The following BARX2 variants were observed in gnomAD, a reference collection of about 807,000 sequenced individuals.
BARX2 encodes homeobox protein BarH-like 2.
Under a neutral mutation model 25.5 loss-of-function variants are expected in BARX2, and 11 were observed. That is an observed-to-expected ratio of 0.43 (90% CI 0.27 to 0.71). The LOEUF (loss-of-function observed/expected upper bound fraction) is 0.71. BARX2 is among the 30% of genes least tolerant of loss of function. BARX2 has a pLI of 0.19. For synonymous variants in BARX2, 137 were observed against 149.5 expected, an observed-to-expected ratio of 0.92 and a Z score of 0.61; for missense variants, 360 against 359.9, an observed-to-expected ratio of 1.00 and a Z score of 0.00.
chr11:129,418,411 A>T (rs1861967792), intron 1 of BARX2, among the ~76,000 whole-genome samples: 1 of 152,142 alleles, frequency 6.6e-6, no homozygotes, highest in African/African-American at 2.4e-5. Context: ...TTTCAGCCCA[A>T]GCGGTTCCCC....
intron 1 of BARX2, among the ~76,000 whole-genome samples, chr11:129,386,947 G>T (rs762689985): frequency 7.9e-5 from 12 of 152,204 alleles, no homozygotes; most frequent in Non-Finnish European, 1.6e-4. Context: ...CCCACCCACA[G>T]GATCTGTGGC....
chr11:129,388,685 G>C (rs1402635215), intron 1 of BARX2, among the ~76,000 whole-genome samples: 1 of 152,210 alleles, frequency 6.6e-6, no homozygotes, highest in Non-Finnish European at 1.5e-5. Context: ...TGGCTGAGCT[G>C]GAGTGGATTC....
At chr11:129,379,786 T>G (rs542127305) in intron 1 of BARX2, among the ~76,000 whole-genome samples, 2 of 117,960 alleles carry the variant, frequency 1.7e-5, no homozygotes, top group South Asian at 2.8e-4. Context: ...TACTAATTAC[T>G]TTTATTACAA....
At chr11:129,414,632 C>T (rs1012525757) in intron 1 of BARX2, among the ~76,000 whole-genome samples, 2 of 152,208 alleles carry the variant, frequency 1.3e-5, no homozygotes, top group African/African-American at 4.8e-5. Context: ...CCTCAAATCC[C>T]ATATTAGCAT....
chr11:129,428,081 G>A (rs371806003), intron 1 of BARX2, among the ~76,000 whole-genome samples: 1 of 152,194 alleles, frequency 6.6e-6, no homozygotes, highest in East Asian at 1.9e-4. Context: ...CCATCCCAGA[G>A]GGAAACATTG....
intron 1 of BARX2, among the ~76,000 whole-genome samples, chr11:129,408,447 C>G (rs111299041): frequency 2.0e-5 from 3 of 152,160 alleles, no homozygotes; most frequent in Non-Finnish European, 4.4e-5. Context: ...TTAATCAACC[C>G]GCACAGGGAT....
At chr11:129,399,364 C>G (rs1861753289) in intron 1 of BARX2, among the ~76,000 whole-genome samples, 1 of 152,208 alleles carries the variant, frequency 6.6e-6, no homozygotes, top group East Asian at 1.9e-4. Flanking sequence ...ATCTAGAGAC[C>G]TTCTCTCTCT....
chr11:129,410,721 T>G (rs1861877879), intron 1 of BARX2, among the ~76,000 whole-genome samples: 1 of 152,136 alleles, frequency 6.6e-6, no homozygotes, highest in Non-Finnish European at 1.5e-5. Flanking sequence ...TGGAGAAGAA[T>G]CCCCCAGTTT....
At chr11:129,435,693 G>A (rs1446605318) in intron 1 of BARX2, among the ~76,000 whole-genome samples, 4 of 152,192 alleles carry the variant, frequency 2.6e-5, no homozygotes, top group Non-Finnish European at 5.9e-5. Context: ...GAATCAGCTA[G>A]TTTTCTTACT....
intron 1 of BARX2, among the ~76,000 whole-genome samples, chr11:129,422,057 C>G (rs1032275498): frequency 6.6e-6 from 1 of 152,080 alleles, no homozygotes; most frequent in Non-Finnish European, 1.5e-5. Flanking sequence ...TCTTTTTCCT[C>G]CCCTTAGAGA....
At chr11:129,412,119 A>T (rs917311180) in intron 1 of BARX2, among the ~76,000 whole-genome samples, 1 of 152,026 alleles carries the variant, frequency 6.6e-6, no homozygotes, top group East Asian at 1.9e-4. Flanking sequence ...AAAAACACAA[A>T]AAGTTAGCCG....
chr11:129,402,427 G>A (rs1399447850), intron 1 of BARX2, among the ~76,000 whole-genome samples: 2 of 152,068 alleles, frequency 1.3e-5, no homozygotes, highest in Non-Finnish European at 2.9e-5. Context: ...GGCCTGATAA[G>A]CATCCAACAG....
intron 1 of BARX2, among the ~76,000 whole-genome samples, chr11:129,426,905 G>T (rs1862069736): frequency 6.6e-6 from 1 of 151,894 alleles, no homozygotes; most frequent in South Asian, 2.1e-4. Flanking sequence ...TGACTTCTCT[G>T]AGCTCCCTGG....
chr11:129,422,169 G>T (rs955673814), intron 1 of BARX2, among the ~76,000 whole-genome samples: 1 of 152,118 alleles, frequency 6.6e-6, no homozygotes, highest in African/African-American at 2.4e-5. Flanking sequence ...ATGAGCCACT[G>T]TGCCCAGCCC....
intron 1 of BARX2, among the ~76,000 whole-genome samples, chr11:129,386,262 G>C (rs938708871): frequency 6.6e-6 from 1 of 152,138 alleles, no homozygotes; most frequent in Admixed American, 6.5e-5. Flanking sequence ...AACTGCCTCT[G>C]ATTGCACCTT....
intron 1 of BARX2, among the ~76,000 whole-genome samples, chr11:129,431,361 A>C (rs1190138588): frequency 6.6e-6 from 1 of 152,208 alleles, no homozygotes; most frequent in African/African-American, 2.4e-5. Flanking sequence ...ACTTTATAAG[A>C]AACTACTAAT....
intron 1 of BARX2, among the ~76,000 whole-genome samples, chr11:129,395,562 G>A (rs987160179): frequency 1.3e-5 from 2 of 151,998 alleles, no homozygotes; most frequent in African/African-American, 2.4e-5. Flanking sequence ...AATCTCCTCC[G>A]GCCCTCCCGG....
intron 1 of BARX2, among the ~76,000 whole-genome samples, chr11:129,391,802 T>G (rs972375245): frequency 2.0e-5 from 3 of 152,176 alleles, no homozygotes; most frequent in Non-Finnish European, 4.4e-5. Flanking sequence ...TTTTGGGACT[T>G]TCTCTTTGCT....
Position 129,437,047 on chromosome 11 carries a change from G to A in BARX2, c.484G>A (p.Asp162Asn). The change falls in exon 2 of 4, where the codon GAC becomes AAC. Residue 162 changes from aspartate to asparagine, a missense_variant. Transcript: ENST00000281437. Reference protein sequence around the residue: ...FQKQKYLSTPDRLDLAQSLGL... With the variant: ...FQKQKYLSTPNRLDLAQSLGL... ...GAAGCAGAAGTATTTGTCAACCCCA[G>A]ACAGGTGAGGACGCAGGGAAGGGAC... 1 of 1,556,972 alleles carries A rather than the reference G, an allele frequency of 6.4e-7. No homozygotes were observed. The highest frequency in any genetic ancestry group is 8.7e-7 in the Non-Finnish European group (1 of 1,147,170).
Sources: allele counts gnomAD v4.1 joint callset (sites outside exome capture counted in the v4.1 genomes callset), GRCh38; gene constraint gnomAD v4.1.1; transcripts MANE v1.5; gene names NCBI Gene and HGNC (gene_info 2026-07-23, HGNC 2026-07-21).